The following ARID1A variants were observed in gnomAD, a reference collection of about 807,000 sequenced individuals.
ARID1A encodes the protein AT-rich interaction domain 1A, also known as AT-rich interactive domain-containing protein 1A.
A neutral mutation model predicts 212.6 loss-of-function variants in ARID1A; 20 were observed. The ratio of observed to expected loss-of-function variants is 0.09; its 90% confidence interval spans 0.07 to 0.14. The LOEUF (loss-of-function observed/expected upper bound fraction) is 0.14, where lower values mean the gene tolerates loss of function less well. ARID1A is among the 10% of genes least tolerant of loss of function. ARID1A has a pLI of 1.00. For synonymous variants in ARID1A, 1,376 were observed against 1,222.1 expected (o/e 1.13, Z -2.63); for missense variants, 2,587 against 3,059.0 (o/e 0.85, Z 3.64).
At chr1:26,718,436 C>T (rs934585426) in intron 1 of ARID1A, among the ~76,000 whole-genome samples, 7 of 152,164 alleles carry the variant, frequency 4.6e-5, no homozygotes, top group Non-Finnish European at 7.3e-5. Flanking sequence ...CTTATCTGTG[C>T]GGCGATATCT....
intron 4 of ARID1A, among the ~76,000 whole-genome samples, chr1:26,753,407 G>A (rs938528311): frequency 4.6e-5 from 7 of 152,162 alleles, no homozygotes; most frequent in Non-Finnish European, 1.0e-4. Flanking sequence ...GTCCCTATGG[G>A]CTTCCTCTAT....
intron 4 of ARID1A, among the ~76,000 whole-genome samples, chr1:26,747,422 C>T (rs550585032): frequency 7.2e-5 from 11 of 152,140 alleles, no homozygotes; most frequent in Non-Finnish European, 1.6e-4. Context: ...TGAGAGTCAG[C>T]GAACCTGTCC....
At chr1:26,770,977 C>T (rs1297363994) in intron 11 of ARID1A, 142 bp from the exon 12 acceptor site, 5 of 723,516 alleles carry the variant, frequency 6.9e-6, no homozygotes, top group Non-Finnish European at 1.1e-5. Context: ...GGACTATCCA[C>T]CAAGCAAGAT....
intron 4 of ARID1A, among the ~76,000 whole-genome samples, chr1:26,759,246 A>G (rs1209712673): frequency 6.6e-6 from 1 of 152,086 alleles, no homozygotes; most frequent in Non-Finnish European, 1.5e-5. Flanking sequence ...TCCGTTACCT[A>G]TGCTGGAGTG....
rs374625504 is a variant in ARID1A, at chr1:26,775,722, C to T, written c.5124+15C>T. On this transcript the variant is annotated intron_variant, in intron 19 of 19. Transcript: ENST00000324856. ...ACCTCAGTCAGGTGAGTATCAGTGC[C>T]TGGGGAAGATTGAGAGGGTTTGGGA... The T allele has an allele frequency of 1.9e-6, 3 of 1,614,020 alleles. No homozygotes were observed. The African/African-American group carries it at 4.0e-5, about 22-fold the overall frequency.
chr1:26,746,771 T>C (rs1420103643), intron 4 of ARID1A, among the ~76,000 whole-genome samples: 4 of 152,194 alleles, frequency 2.6e-5, no homozygotes, highest in Non-Finnish European at 5.9e-5. Context: ...GTGCGGTGGC[T>C]CACGCCTGTA....
At chr1:26,769,354 A>G (rs2081064885) in intron 11 of ARID1A, 1 of 152,272 alleles carries the variant, frequency 6.6e-6, no homozygotes, top group African/African-American at 2.4e-5. Context: ...AAAGGCAGTG[A>G]TAATTCAGGG....
intron 4 of ARID1A, among the ~76,000 whole-genome samples, chr1:26,738,312 G>A (rs570047399): frequency 6.6e-6 from 1 of 151,626 alleles, no homozygotes; most frequent in African/African-American, 2.4e-5. Context: ...CATGAGCCAC[G>A]GTGCCCAGCC....
At position 26,780,321 on chromosome 1, in the gene ARID1A, C is replaced by T. The variant is rs2124148902; in HGVS notation, c.6423C>T (p.Phe2141=). The T allele has an allele frequency of 6.2e-7, 1 of 1,614,258 alleles. No individual in the cohort carries two copies. Among genetic ancestry groups the T allele is most frequent in the East Asian group, 2.2e-5 (1 of 44,886 alleles). Reference sequence around the variant, plus strand: ...ACCTGATTCTGGCCACACCCCCCTTCAGCCGCCTGGAGAAGTTGTATAGCA... The same window carrying T: ...ACCTGATTCTGGCCACACCCCCCTTTAGCCGCCTGGAGAAGTTGTATAGCA... ...NVDLILATPP[F]SRLEKLYSTM... The change falls in exon 20 of 20, where the codon TTC becomes TTT. Residue 2141 remains phenylalanine (F), a synonymous_variant. Transcript: ENST00000324856. This position sits in a 1 kb window ranked among gnomAD's most constrained non-coding sequence, Gnocchi z 7.2.
At chr1:26,751,699 T>G (rs993641431) in intron 4 of ARID1A, among the ~76,000 whole-genome samples, 14 of 152,218 alleles carry the variant, frequency 9.2e-5, no homozygotes, top group African/African-American at 3.1e-4. Context: ...TCAAAAGGAA[T>G]ATATAAAGGA....
chr1:26,742,136 C>CT (rs2124802884), intron 4 of ARID1A, among the ~76,000 whole-genome samples: 1 of 152,308 alleles, frequency 6.6e-6, no homozygotes, highest in East Asian at 1.9e-4. Context: ...CATGGACAAT[C>CT]TGATCCTCTC....
In ARID1A at chr1:26,774,978, A is replaced by G. The variant is rs558739370; in HGVS notation, c.4751A>G (p.Gln1584Arg). The G allele has an allele frequency of 2.2e-5, 33 of 1,528,642 alleles. No individual in the cohort carries two copies. In the Admixed American group the frequency reaches 5.4e-4, roughly 25 times the overall value. The allele number at this position is 1,528,642 out of a possible 1,614,324, so 94.7% of individuals were successfully genotyped here. Residue 1584 changes from glutamine to arginine, a missense_variant, in exon 18 of 20, where the codon CAG (glutamine) becomes CGG (arginine). Gln to Arg is a conservative substitution (Grantham distance 43). Coordinates refer to ENST00000324856, the MANE Select transcript of ARID1A (RefSeq NM_006015.6). This position sits in a 1 kb window ranked among gnomAD's most constrained non-coding sequence, Gnocchi z 5.6. ...CCAAGCATGCAGAATCACATTCCTC[A>G]GGTATCCAGCCCTGCTCCCCTGCCC... ...PPPSMQNHIP[Q>R]VSSPAPLPRP...
At chr1:26,778,436 G>A (rs2081157759) in intron 19 of ARID1A, 1 of 152,204 alleles carries the variant, frequency 6.6e-6, no homozygotes, top group Admixed American at 6.5e-5. Context: ...TATTATCCAA[G>A]GTGGAATTTG....
rs2124081180 is a variant in ARID1A, at chr1:26,766,445, T to C, written c.2879-12T>C. Reference sequence around the variant, plus strand: ...AACTTACTGGACTTGAGAATTTTTTTCTCTTTTACAGGGATGGCAGCCAGC... The same window carrying C: ...AACTTACTGGACTTGAGAATTTTTTCCTCTTTTACAGGGATGGCAGCCAGC... On this transcript the variant is annotated splice_polypyrimidine_tract_variant and intron_variant, in intron 9 of 19. Coordinates refer to ENST00000324856, the MANE Select transcript of ARID1A (RefSeq NM_006015.6). The C allele has an allele frequency of 6.2e-7, 1 of 1,613,824 alleles. No homozygotes were observed. The highest frequency in any genetic ancestry group is 8.5e-7 in the Non-Finnish European group (1 of 1,179,928).
intron 1 of ARID1A, among the ~76,000 whole-genome samples, chr1:26,715,184 G>GT (rs1224093978): frequency 2.6e-5 from 4 of 152,082 alleles, no homozygotes; most frequent in African/African-American, 9.7e-5. Flanking sequence ...TATTTACTTT[G>GT]TTTATTTGTT....
At chr1:26,778,343 T>G (rs894127110) in intron 19 of ARID1A, 34 of 152,216 alleles carry the variant, frequency 2.2e-4, no homozygotes, top group African/African-American at 7.7e-4. Flanking sequence ...GCCCTTATTT[T>G]TTTTTCCATC....
chr1:26,730,080 G>A (rs1557591348), intron 2 of ARID1A, among the ~76,000 whole-genome samples: 1 of 152,148 alleles, frequency 6.6e-6, no homozygotes, highest in African/African-American at 2.4e-5. Context: ...TCACAGGTAC[G>A]TATCTCTTTT....
chr1:26,755,498 A>G (rs763946746), intron 4 of ARID1A, among the ~76,000 whole-genome samples: 1 of 152,158 alleles, frequency 6.6e-6, no homozygotes, highest in African/African-American at 2.4e-5. Flanking sequence ...CACTTTACCA[A>G]AAGTGACAGC....
chr1:26,754,348 C>G (rs1429113269), intron 4 of ARID1A, among the ~76,000 whole-genome samples: 5 of 152,206 alleles, frequency 3.3e-5, no homozygotes, highest in Non-Finnish European at 1.5e-5. Context: ...GCCCTTACCA[C>G]TCCCTCCCAT....
Sources: gnomAD v4.1 joint callset for allele counts (sites outside exome capture counted in the v4.1 genomes callset) on GRCh38, gnomAD v4.1.1 for gene constraint, Gnocchi (gnomAD v3.1) non-coding constraint, MANE v1.5 for transcripts, NCBI Gene and HGNC (gene_info 2026-07-23, HGNC 2026-07-21) for gene names.